The following DSCAML1 variants were observed in gnomAD, a reference collection of about 807,000 sequenced individuals.
DSCAML1 encodes the protein DS cell adhesion molecule like 1, also known as cell adhesion molecule DSCAML1.
In DSCAML1, 38 loss-of-function variants were observed where a neutral mutation model predicts 200.5. That is an observed-to-expected ratio of 0.19 (90% CI 0.15 to 0.25). The LOEUF is 0.25. DSCAML1 is among the 10% of genes least tolerant of loss of function. DSCAML1 has a pLI of 1.00. For synonymous variants in DSCAML1, 1,215 were observed against 1,165.0 expected, an observed-to-expected ratio of 1.04 and a Z score of -0.87; for missense variants, 2,223 against 2,858.8, an observed-to-expected ratio of 0.78 and a Z score of 5.07.
In DSCAML1 at chr11:117,516,505, T is replaced by C. The variant is rs2049770602; in HGVS notation, c.1745A>G (p.Gln582Arg). The C allele has an allele frequency of 2.5e-6, 4 of 1,613,950 alleles. No homozygotes were observed. Among genetic ancestry groups the C allele is most frequent in the Non-Finnish European group, 3.4e-6 (4 of 1,179,990 alleles). Reference protein sequence around the residue: ...EYLCSVLIQPQLSISQSVHVA... With the variant: ...EYLCSVLIQPRLSISQSVHVA... ...GTGAACGCTCTGGCTGATGGAGAGC[T>C]GGGGCTGGATGAGGACACTGCACAG... Residue 582 changes from glutamine (Q) to arginine (R), a missense_variant, in exon 8 of 33, where the codon CAG (glutamine) becomes CGG (arginine). Coordinates refer to ENST00000651296, the MANE Select transcript of DSCAML1 (RefSeq NM_020693.4). The surrounding 1 kb of genome is among the most constrained non-coding windows in gnomAD (Gnocchi z 5.7).
chr11:117,619,642 G>T (rs541066037), intron 3 of DSCAML1, among the ~76,000 whole-genome samples: 25 of 152,032 alleles, frequency 1.6e-4, no homozygotes, highest in Non-Finnish European at 2.5e-4. Context: ...TGTTCATGTT[G>T]GTACACTTAA....
At chr11:117,645,240 A>C (rs926373207) in intron 3 of DSCAML1, among the ~76,000 whole-genome samples, 9 of 152,206 alleles carry the variant, frequency 5.9e-5, no homozygotes, top group African/African-American at 2.2e-4. Context: ...TTGATGGATA[A>C]GAACGAGTTC....
intron 3 of DSCAML1, among the ~76,000 whole-genome samples, chr11:117,769,186 A>ATATATATTTTATATATAT (rs1216197527): frequency 3.0e-5 from 1 of 33,878 alleles, no homozygotes; most frequent in African/African-American, 6.3e-5. Context: ...TATATTATAC[A>ATATATATTTTATATATAT]TATATATTTT....
At chr11:117,586,616 G>A (rs1291066657) in intron 3 of DSCAML1, among the ~76,000 whole-genome samples, 3 of 152,228 alleles carry the variant, frequency 2.0e-5, no homozygotes, top group Non-Finnish European at 4.4e-5. Flanking sequence ...GAGGCGGGAA[G>A]CAGGAGGATG....
At position 117,431,604 on chromosome 11, in the gene DSCAML1, G is replaced by A. The variant is rs745630195; in HGVS notation, c.5304C>T (p.Thr1768=). ...PARTLTSDWR[T]VGSQHGVTVT... The stretch of plus-strand genomic sequence containing the variant: ...CCGTGACACCATGCTGGGAGCCCAC[G>A]GTGCGCCAGTCGGAGGTGAGGGTGC... Residue 1768 remains threonine (T), a synonymous_variant, in exon 31 of 33, where the codon ACC becomes ACT. Transcript: ENST00000651296. 29 of 1,612,904 alleles carry A rather than the reference G, an allele frequency of 1.8e-5. No individual in the cohort carries two copies. Among genetic ancestry groups the A allele is most frequent in the Admixed American group, 3.3e-5 (2 of 59,938 alleles).
chr11:117,748,727 T>C (rs569111286), intron 3 of DSCAML1, among the ~76,000 whole-genome samples: 18 of 152,330 alleles, frequency 1.2e-4, no homozygotes, highest in Middle Eastern at 6.8e-3. Context: ...GGAGCCTGGG[T>C]ACTGCATGCC....
Position 117,438,180 on chromosome 11 carries a change from G to A in DSCAML1, c.4244-97C>T, listed in dbSNP as rs188609835. 460 of 1,234,086 alleles carry A rather than the reference G, an allele frequency of 3.7e-4. 4 individuals carry two copies. The East Asian group carries it at 7.2e-3, about 19-fold the overall frequency. 76.4% of individuals were successfully genotyped at this position (1,234,086 alleles called of 1,614,324 possible). A position where few individuals can be genotyped will look rare whatever the true frequency, so the allele number is the denominator to read the frequency against. ...CCAACAGGGGGCTGGGCTCCAGGCA[G>A]GGGGCAGAGTCAGGCTTTTGGTCAT... On this transcript the variant is annotated intron_variant, in intron 24 of 32. Transcript: ENST00000651296.
intron 3 of DSCAML1, among the ~76,000 whole-genome samples, chr11:117,582,607 G>A (rs941442921): frequency 6.6e-6 from 1 of 152,226 alleles, no homozygotes; most frequent in African/African-American, 2.4e-5. Context: ...TGCTTGGATG[G>A]ACAGTGAAGG....
At chr11:117,591,163 T>C (rs1184791020) in intron 3 of DSCAML1, among the ~76,000 whole-genome samples, 4 of 152,056 alleles carry the variant, frequency 2.6e-5, no homozygotes, top group Non-Finnish European at 4.4e-5. Flanking sequence ...CATTTATGTA[T>C]TTATTCACAT....
intron 3 of DSCAML1, among the ~76,000 whole-genome samples, chr11:117,557,344 A>G (rs955555821): frequency 1.3e-5 from 2 of 152,184 alleles, no homozygotes; most frequent in African/African-American, 4.8e-5. Flanking sequence ...CCTAAGGTGC[A>G]GGAAAGAAGG....
chr11:117,730,510 T>C (rs1370172860), intron 3 of DSCAML1, among the ~76,000 whole-genome samples: 1 of 152,078 alleles, frequency 6.6e-6, no homozygotes, highest in Non-Finnish European at 1.5e-5. Flanking sequence ...TTTGTTAGAG[T>C]AGCAAGAGGC....
At chr11:117,719,167 G>T (rs1330487285) in intron 3 of DSCAML1, among the ~76,000 whole-genome samples, 1 of 152,162 alleles carries the variant, frequency 6.6e-6, no homozygotes, top group Non-Finnish European at 1.5e-5. Context: ...AGGCACAGTG[G>T]CTCATGCCTG....
At chr11:117,772,026 G>C (rs1455526302) in intron 3 of DSCAML1, among the ~76,000 whole-genome samples, 1 of 152,128 alleles carries the variant, frequency 6.6e-6, no homozygotes, top group Non-Finnish European at 1.5e-5. Context: ...CAGGGCTCCA[G>C]GAATGAAACC....
At chr11:117,473,909 G>A (rs1007739054) in intron 14 of DSCAML1, among the ~76,000 whole-genome samples, 2 of 152,182 alleles carry the variant, frequency 1.3e-5, no homozygotes, top group African/African-American at 4.8e-5. Flanking sequence ...CTAGTCATGT[G>A]GAGGCAGGTG....
In DSCAML1 at chr11:117,711,410, T is replaced by C. The variant is rs149256918; in HGVS notation, c.511+65381A>G. Among the ~76,000 whole-genome samples the C allele has an allele frequency of 4.8e-3, 731 of 152,288 alleles. 3 individuals are homozygous for C. The highest frequency in any genetic ancestry group is 6.4e-3 in the Non-Finnish European group (436 of 68,016). The stretch of plus-strand genomic sequence containing the variant: ...AAGTCCCTGAAGGGAGCCAGCTGCG[T>C]GGCTTGATAAACTAACTCAGGGGTC... On this transcript the variant is annotated intron_variant, in intron 3 of 32. Coordinates refer to ENST00000651296, the MANE Select transcript of DSCAML1 (RefSeq NM_020693.4).
In DSCAML1 at chr11:117,780,713, C is replaced by G. The variant is rs183032857; in HGVS notation, c.144G>C (p.Pro48=). The G allele has an allele frequency of 6.3e-7, 1 of 1,579,428 alleles. No homozygotes were observed. Among genetic ancestry groups the G allele is most frequent in the Non-Finnish European group, 8.6e-7 (1 of 1,161,646 alleles). Residue 48 remains proline, a synonymous_variant, in exon 2 of 33, where the codon CCG becomes CCC. Coordinates refer to ENST00000651296, the MANE Select transcript of DSCAML1 (RefSeq NM_020693.4). This position sits in a 1 kb window ranked among gnomAD's most constrained non-coding sequence, Gnocchi z 4.8. ...GGGCCGCGCTGGGGGAGCCCGCGGCCGGGCAGGGCACCACCACCCCCACGG... is the reference window on the plus strand; with the variant it reads ...GGGCCGCGCTGGGGGAGCCCGCGGCGGGGCAGGGCACCACCACCCCCACGG... The part of the protein sequence containing the change: ...SSSVGVVVPC[P]AAGSPSAALR...
At chr11:117,470,285 G>T (rs1377802346) in intron 15 of DSCAML1, among the ~76,000 whole-genome samples, 1 of 152,212 alleles carries the variant, frequency 6.6e-6, no homozygotes, top group Non-Finnish European at 1.5e-5. Flanking sequence ...CTTCATAAAA[G>T]AATGTCTAGG....
intron 3 of DSCAML1, among the ~76,000 whole-genome samples, chr11:117,742,706 G>C (rs1428388194): frequency 6.6e-6 from 1 of 152,168 alleles, no homozygotes; most frequent in African/African-American, 2.4e-5. Context: ...AACGCACACA[G>C]CATTTGGACC....
At chr11:117,616,257 G>A (rs903860417) in intron 3 of DSCAML1, among the ~76,000 whole-genome samples, 8 of 152,174 alleles carry the variant, frequency 5.3e-5, no homozygotes, top group Non-Finnish European at 1.0e-4. Flanking sequence ...TTGGGCTGTG[G>A]ACCACTTATG....
Sources: allele counts gnomAD v4.1 joint callset (sites outside exome capture counted in the v4.1 genomes callset), GRCh38; gene constraint gnomAD v4.1.1; non-coding constraint Gnocchi (gnomAD v3.1); transcripts MANE v1.5; gene names NCBI Gene and HGNC (gene_info 2026-07-23, HGNC 2026-07-21).